SKI: variants seen among roughly 807,000 people sequenced by gnomAD.
The protein encoded by SKI is ski oncogene.
Under a neutral mutation model 59.3 loss-of-function variants are expected in SKI, and 23 were observed. The ratio of observed to expected loss-of-function variants is 0.39; its 90% CI spans 0.28 to 0.55. The LOEUF is 0.55. Among genes scored for constraint, SKI ranks in the 20% least tolerant of loss-of-function variants. The pLI, the probability that SKI is intolerant of heterozygous loss-of-function variation, is 0.67. For synonymous variants in SKI, 673 were observed against 488.6 expected (o/e 1.38, Z -4.98); for missense variants, 1,017 against 1,038.9 (o/e 0.98, Z 0.29).
At chr1:2,291,275 G>T (rs563757276) in intron 1 of SKI, among the ~76,000 whole-genome samples, 1 of 152,202 alleles carries the variant, frequency 6.6e-6, no homozygotes, top group Non-Finnish European at 1.5e-5. Flanking sequence ...GCTAATTTTC[G>T]GATTCCGAAA....
At chr1:2,279,826 T>C (rs1639833331) in intron 1 of SKI, among the ~76,000 whole-genome samples, 2 of 152,170 alleles carry the variant, frequency 1.3e-5, no homozygotes, top group Non-Finnish European at 2.9e-5. Context: ...AGCACTGGGA[T>C]TACAGCAGTG....
chr1:2,302,697 G>T (rs772165062), intron 1 of SKI, among the ~76,000 whole-genome samples: 2 of 152,172 alleles, frequency 1.3e-5, no homozygotes, highest in Non-Finnish European at 2.9e-5. Flanking sequence ...AGCCGTGGGT[G>T]AGGTCACCCG....
chr1:2,298,079 A>G (rs1377352070), intron 1 of SKI, among the ~76,000 whole-genome samples: 1 of 152,152 alleles, frequency 6.6e-6, no homozygotes, highest in Admixed American at 6.5e-5. Context: ...CCTGACCCAC[A>G]GAGCTTGGTG....
chr1:2,275,475 G>A (rs1209925622), intron 1 of SKI, among the ~76,000 whole-genome samples: 1 of 152,224 alleles, frequency 6.6e-6, no homozygotes, highest in East Asian at 1.9e-4. Flanking sequence ...CCCTGGGGCA[G>A]GATGAGGGGT....
Position 2,267,452 on chromosome 1 carries a change from T to C in SKI, c.970-35526T>C, listed in dbSNP as rs1186747655. Reference sequence around the variant, plus strand: ...CAGGAATGTCCCACGTCCTCTCGTGTGCTGTCGGGAGACAAACCTCTTCCT... The same window carrying C: ...CAGGAATGTCCCACGTCCTCTCGTGCGCTGTCGGGAGACAAACCTCTTCCT... On this transcript the variant is annotated intron_variant, in intron 1 of 6. Transcript: ENST00000378536. This position sits in a 1 kb window ranked among gnomAD's most constrained non-coding sequence, Gnocchi z 4.1. Among the ~76,000 whole-genome samples the C allele has an allele frequency of 1.3e-5, 2 of 152,206 alleles. No homozygotes were observed.
chr1:2,234,619 G>C (rs1035921556), intron 1 of SKI, among the ~76,000 whole-genome samples: 1 of 152,178 alleles, frequency 6.6e-6, no homozygotes, highest in African/African-American at 2.4e-5. Context: ...GAGAGAAGGC[G>C]GTGGTTCCGG....
At chr1:2,243,634 C>T (rs984215056) in intron 1 of SKI, among the ~76,000 whole-genome samples, 2 of 152,164 alleles carry the variant, frequency 1.3e-5, no homozygotes, top group African/African-American at 4.8e-5. Context: ...GCATGTCGGT[C>T]ACGCCAGGCT....
In SKI at chr1:2,269,069, G is replaced by A. The variant is rs185916065; in HGVS notation, c.970-33909G>A. Among the ~76,000 whole-genome samples, 108 of 152,210 alleles carry A rather than the reference G, an allele frequency of 7.1e-4. 1 individual carries two copies. The highest frequency in any genetic ancestry group is 2.6e-3 in the African/African-American group (106 of 41,530). On this transcript the variant is annotated intron_variant, in intron 1 of 6. Transcript: ENST00000378536. The surrounding 1 kb of genome is among the most constrained non-coding windows in gnomAD (Gnocchi z 4.7). ...AGTGATCCTCCCACCTCAGCCTCATGAGTAGCCGAGACTACAGGCACACAC... is the reference window on the plus strand; with the variant it reads ...AGTGATCCTCCCACCTCAGCCTCATAAGTAGCCGAGACTACAGGCACACAC...
At chr1:2,273,788 A>G (rs1639681635) in intron 1 of SKI, among the ~76,000 whole-genome samples, 1 of 152,188 alleles carries the variant, frequency 6.6e-6, no homozygotes, top group South Asian at 2.1e-4. Flanking sequence ...CTGAGGCTGC[A>G]GGGGGCCTTG....
chr1:2,306,491 G>T (rs889553263), intron 6 of SKI, 86 bp from the exon 7 acceptor site: 3 of 1,366,126 alleles, frequency 2.2e-6, no homozygotes, highest in Non-Finnish European at 2.0e-6. Flanking sequence ...GACAGGGAGC[G>T]GCGCAGGAGC....
At chr1:2,250,544 T>C (rs1639123017) in intron 1 of SKI, among the ~76,000 whole-genome samples, 1 of 152,262 alleles carries the variant, frequency 6.6e-6, no homozygotes, top group African/African-American at 2.4e-5. Flanking sequence ...TGAGCTCAGC[T>C]GCTGCTGGCA....
intron 4 of SKI, 49 bp from the exon 5 acceptor site, chr1:2,304,244 G>A (rs546196579): frequency 1.3e-6 from 2 of 1,552,388 alleles, no homozygotes; most frequent in East Asian, 4.9e-5. Flanking sequence ...CTGGTGTGGA[G>A]CTGCCGGGCA....
chr1:2,235,976 C>G (rs1638742157), intron 1 of SKI, among the ~76,000 whole-genome samples: 1 of 152,212 alleles, frequency 6.6e-6, no homozygotes, highest in Non-Finnish European at 1.5e-5. Context: ...GGCGTCTCGG[C>G]GTGATCCTGG....
At chr1:2,235,854 C>A (rs912521231) in intron 1 of SKI, among the ~76,000 whole-genome samples, 1 of 152,222 alleles carries the variant, frequency 6.6e-6, no homozygotes, top group Non-Finnish European at 1.5e-5. Flanking sequence ...GCCTGTGGCC[C>A]TCAGCATGTG....
Position 2,306,176 on chromosome 1 carries a change from G to A in SKI, c.1924G>A (p.Glu642Lys). Reference sequence around the variant, plus strand: ...ACGGCTGCGCCTGAAGCGGGAGCTGGAGCAGGCGCGGCAGGCCCGGGTGTG... The same window carrying A: ...ACGGCTGCGCCTGAAGCGGGAGCTGAAGCAGGCGCGGCAGGCCCGGGTGTG... The part of the protein sequence containing the change: ...ESRLRLKREL[E>K]QARQARVCDK... The change falls in exon 6 of 7, where the codon GAG (glutamate) becomes AAG (lysine). Residue 642 changes from glutamate to lysine, a missense_variant. Transcript: ENST00000378536. 1 of 1,590,570 alleles carries A rather than the reference G, an allele frequency of 6.3e-7. No homozygotes were observed. The highest frequency in any genetic ancestry group is 8.6e-7 in the Non-Finnish European group (1 of 1,169,504).
chr1:2,295,751 C>T (rs988770371), intron 1 of SKI, among the ~76,000 whole-genome samples: 2 of 152,006 alleles, frequency 1.3e-5, no homozygotes, highest in African/African-American at 2.4e-5. Context: ...TGTGTGTGTC[C>T]GGCCTCAGCA....
chr1:2,296,433 C>T (rs1040200197), intron 1 of SKI, among the ~76,000 whole-genome samples: 1 of 152,092 alleles, frequency 6.6e-6, no homozygotes, highest in African/African-American at 2.4e-5. Context: ...TCGTTGTGGG[C>T]GTGAGTTGAC....
chr1:2,231,581 C>T (rs890173641), intron 1 of SKI, among the ~76,000 whole-genome samples: 2 of 152,326 alleles, frequency 1.3e-5, no homozygotes, highest in East Asian at 3.9e-4. Flanking sequence ...TCAGCGGATG[C>T]CTCCGAGCCG....
chr1:2,269,112 G>C lies in SKI; in HGVS notation c.970-33866G>C, dbSNP rs747240548. On this transcript the variant is annotated intron_variant, in intron 1 of 6. Coordinates refer to ENST00000378536, the MANE Select transcript of SKI (RefSeq NM_003036.4). The surrounding 1 kb of genome is among the most constrained non-coding windows in gnomAD (Gnocchi z 4.7). ...GCACACACCACTACATCTGGCTAAC[G>C]TTTTATATTTTTTGGGTAGAGATGG... 6.6e-6 allele frequency among the ~76,000 whole-genome samples: 1 copy of C among 152,086 alleles called. No homozygotes were observed. The highest frequency in any genetic ancestry group is 1.5e-5 in the Non-Finnish European group (1 of 68,018).
Sources: allele counts gnomAD v4.1 joint callset (sites outside exome capture counted in the v4.1 genomes callset), GRCh38; gene constraint gnomAD v4.1.1; non-coding constraint Gnocchi (gnomAD v3.1); transcripts MANE v1.5; gene names NCBI Gene and HGNC (gene_info 2026-07-23, HGNC 2026-07-21).